LRTM1: variants seen among roughly 807,000 people sequenced by gnomAD.
LRTM1 encodes leucine-rich repeat and transmembrane domain-containing protein 1.
LRTM1 carries 38 observed loss-of-function variants against 32.4 expected under a neutral mutation model. The observed-to-expected ratio is 1.17, with a 90% confidence interval of 0.91 to 1.54. LRTM1 has a LOEUF of 1.54. Among genes scored for constraint, LRTM1 ranks in the 40% most tolerant of loss-of-function variants. The probability of loss-of-function intolerance (pLI) is 0.00; values close to 1 mark genes in which losing one functional copy is unlikely to be tolerated. For synonymous variants in LRTM1, 186 were observed against 169.9 expected (o/e 1.09, Z -0.74); for missense variants, 466 against 415.4 (o/e 1.12, Z -1.06).
chr3:54,952,920 A>G (rs1042971760), intron 1 of LRTM1, among the ~76,000 whole-genome samples: 1 of 152,198 alleles, frequency 6.6e-6, no homozygotes, highest in African/African-American at 2.4e-5. Flanking sequence ...TCTTCCAGCA[A>G]CAAAGGAGGA....
upstream of LRTM1, chr3:54,928,061 G>T (rs1336000348): frequency 4.2e-6 from 3 of 709,400 alleles, no homozygotes; most frequent in African/African-American, 1.8e-5. Context: ...GCAGAAAACA[G>T]TTGTTGCTTT....
chr3:54,925,352 C>T (rs1197860613), intron 1 of LRTM1, 137 bp from the exon 2 acceptor site: 25 of 684,256 alleles, frequency 3.7e-5, no homozygotes, highest in Non-Finnish European at 6.1e-5. Flanking sequence ...GAGGTTCTGT[C>T]ACTCACCGTC....
chr3:54,946,100 A>G (rs1451129387), intron 1 of LRTM1, among the ~76,000 whole-genome samples: 2 of 152,248 alleles, frequency 1.3e-5, no homozygotes, highest in African/African-American at 4.8e-5. Context: ...AATAAAAAGC[A>G]GTATGCATTG....
At chr3:54,935,068 C>T (rs776068634) in intron 1 of LRTM1, among the ~76,000 whole-genome samples, 39 of 152,202 alleles carry the variant, frequency 2.6e-4, no homozygotes, top group Non-Finnish European at 4.9e-4. Context: ...GTTTTCTCAT[C>T]ACCTTGAACC....
Position 54,924,805 on chromosome 3 carries a change from A to T in LRTM1, c.418T>A (p.Ser140Thr), listed in dbSNP as rs1700963149. Residue 140 changes from serine to threonine, a missense_variant, in exon 2 of 3, where the codon TCC (serine) becomes ACC (threonine). Ser to Thr is a moderately conservative substitution (Grantham distance 58). Coordinates refer to ENST00000273286, the MANE Select transcript of LRTM1 (RefSeq NM_020678.4). ...AGGTTCTCCCAAGTCTCTCCCAAGG[A>T]TGTGGGAAGGTGGCTTATGTTGTTT... ...SSNNISHLPT[S>T]LGETWENLTI... 1 of 1,614,042 alleles carries T rather than the reference A, an allele frequency of 6.2e-7. No homozygotes were observed. Among genetic ancestry groups the T allele is most frequent in the South Asian group, 1.1e-5 (1 of 91,070 alleles).
chr3:54,921,487 A>G (rs953425059), intron 2 of LRTM1, among the ~76,000 whole-genome samples: 1 of 152,256 alleles, frequency 6.6e-6, no homozygotes, highest in African/African-American at 2.4e-5. Context: ...ATTTCTTTGG[A>G]GGAGATATTA....
chr3:54,918,833 G>A lies in LRTM1; in HGVS notation c.664C>T (p.Leu222Phe). The part of the protein sequence containing the change: ...SPDTWKGKDL[L>F]RIPHELYQPC... The stretch of plus-strand genomic sequence containing the variant: ...TGGTACAGCTCATGAGGGATCCTAA[G>A]GAGGTCCTTTCCCTTCCAGGTGTCT... The change falls in exon 3 of 3, where the codon CTT becomes TTT. Residue 222 changes from leucine to phenylalanine, a missense_variant. Coordinates refer to ENST00000273286, the MANE Select transcript of LRTM1 (RefSeq NM_020678.4). The A allele has an allele frequency of 1.3e-6, 2 of 1,596,764 alleles. No individual in the cohort carries two copies. Among genetic ancestry groups the A allele is most frequent in the South Asian group, 1.1e-5 (1 of 89,270 alleles).
At chr3:54,941,599 C>T (rs2106985803) in intron 1 of LRTM1, among the ~76,000 whole-genome samples, 1 of 152,288 alleles carries the variant, frequency 6.6e-6, no homozygotes, top group South Asian at 2.1e-4. Flanking sequence ...CCTCACAATG[C>T]CCCATATTGT....
Position 54,924,851 on chromosome 3 carries a change from C to T in LRTM1, c.372G>A (p.Leu124=). ...ESRLFHSLPQ[L]RELDLSSNNI... is the part of the protein sequence containing the mutation. ...TGTTTGATGACAAATCAAGCTCCCTCAGCTGAGGGAGGGAATGGAAAAGTC... is the reference window on the plus strand; with the variant it reads ...TGTTTGATGACAAATCAAGCTCCCTTAGCTGAGGGAGGGAATGGAAAAGTC... The change falls in exon 2 of 3, where the codon CTG becomes CTA. Residue 124 remains leucine, a synonymous_variant. Coordinates refer to ENST00000273286, the MANE Select transcript of LRTM1 (RefSeq NM_020678.4). 3 of 1,613,914 alleles carry T rather than the reference C, an allele frequency of 1.9e-6. No homozygotes were observed. In the East Asian group the frequency reaches 6.7e-5, roughly 36 times the overall value.
chr3:54,924,918 AC>A lies in LRTM1; in HGVS notation c.304del (p.Val102PhefsTer2). 2 of 1,613,164 alleles carry A rather than the reference AC, an allele frequency of 1.2e-6. No homozygotes were observed. Among genetic ancestry groups the A allele is most frequent in the East Asian group, 4.5e-5 (2 of 44,852 alleles). On this transcript the variant is annotated frameshift_variant, in exon 2 of 3. Coordinates refer to ENST00000273286, the MANE Select transcript of LRTM1 (RefSeq NM_020678.4). LOFTEE classifies it high-confidence loss of function. Reference sequence around the variant, plus strand: ...GAGTGAATTCTGGGTTAGATTTAAAACCTGCAAGTGCTGAAGCCCATGGAAA... The same window carrying A: ...GAGTGAATTCTGGGTTAGATTTAAAACTGCAAGTGCTGAAGCCCATGGAAA... The part of the protein sequence containing the change: ...GAFHGLQHLQ[V>X]LNLTQNSLLS...
intron 2 of LRTM1, among the ~76,000 whole-genome samples, chr3:54,922,890 C>G (rs1700895260): frequency 6.6e-6 from 1 of 152,114 alleles, no homozygotes; most frequent in Admixed American, 6.5e-5. Context: ...CACTGCAGGA[C>G]AAATCAAAAT....
rs533865587 is a variant in LRTM1, at chr3:54,954,529, A to G, written c.-222+12399T>C. ...GGTGCATATCTTTCTGTCGGGGTCT[A>G]CCAGCCCTTCGGCTTCCCTTTGATT... On this transcript the variant is annotated intron_variant, in intron 1 of 2. Coordinates refer to the LRTM1 transcript ENST00000493075. 2.0e-5 allele frequency among the ~76,000 whole-genome samples: 3 copies of G among 152,358 alleles called. 1 individual carries two copies. The highest frequency in any genetic ancestry group is 7.2e-5 in the African/African-American group (3 of 41,590).
chr3:54,960,016 T>A (rs1443890715), intron 1 of LRTM1, among the ~76,000 whole-genome samples: 1 of 151,762 alleles, frequency 6.6e-6, no homozygotes, highest in Admixed American at 6.6e-5. Context: ...GAGGAAACAT[T>A]TATAATTGTC....
At chr3:54,962,604 A>T (rs565884770) in intron 1 of LRTM1, among the ~76,000 whole-genome samples, 1 of 152,334 alleles carries the variant, frequency 6.6e-6, no homozygotes, top group Non-Finnish European at 1.5e-5. Flanking sequence ...CTATTGGTGG[A>T]GACAGAGAGG....
chr3:54,926,963 CT>C (rs369275911), intron 1 of LRTM1, among the ~76,000 whole-genome samples: 4 of 151,652 alleles, frequency 2.6e-5, no homozygotes, highest in South Asian at 2.1e-4. Flanking sequence ...ACACTCCCTT[CT>C]TTTTTTTTGA....
chr3:54,932,595 T>G (rs750164101), upstream of LRTM1, among the ~76,000 whole-genome samples: 1 of 152,250 alleles, frequency 6.6e-6, no homozygotes, highest in Non-Finnish European at 1.5e-5. Flanking sequence ...AAATATAGCA[T>G]GCCTAGAGTT....
intron 1 of LRTM1, among the ~76,000 whole-genome samples, chr3:54,962,297 A>C (rs1477400655): frequency 6.6e-6 from 1 of 152,190 alleles, no homozygotes; most frequent in Non-Finnish European, 1.5e-5. Flanking sequence ...CTTGGCTGAT[A>C]GCATGATTTT....
intron 1 of LRTM1, among the ~76,000 whole-genome samples, chr3:54,926,029 T>C (rs891484400): frequency 6.6e-6 from 1 of 152,216 alleles, no homozygotes; most frequent in African/African-American, 2.4e-5. Context: ...TCCTTGATTC[T>C]TTTTTCTTTC....
intron 2 of LRTM1, among the ~76,000 whole-genome samples, chr3:54,919,179 G>T (rs1366976964): frequency 6.6e-6 from 1 of 152,192 alleles, no homozygotes; most frequent in Non-Finnish European, 1.5e-5. Flanking sequence ...CAATGCAAAA[G>T]CTGACAAGAA....
Sources: gnomAD v4.1 joint callset for allele counts (sites outside exome capture counted in the v4.1 genomes callset) on GRCh38, gnomAD v4.1.1 for gene constraint, MANE v1.5 for transcripts, NCBI Gene and HGNC (gene_info 2026-07-23, HGNC 2026-07-21) for gene names.